GLIS3: variants seen among roughly 807,000 people sequenced by gnomAD.
GLIS3 encodes the protein zinc finger protein GLIS3.
A neutral mutation model predicts 78.6 loss-of-function variants in GLIS3; 53 were observed. The ratio of observed to expected loss-of-function variants is 0.67; its 90% CI spans 0.54 to 0.85. The LOEUF (loss-of-function observed/expected upper bound fraction) is 0.85. GLIS3 is among the 40% of genes least tolerant of loss of function. The pLI, the probability that GLIS3 is intolerant of heterozygous loss-of-function variation, is 0.00. For synonymous variants in GLIS3, 684 were observed against 509.9 expected (o/e 1.34, Z -4.60); for missense variants, 1,703 against 1,231.1 (o/e 1.38, Z -5.74).
At chr9:3,929,956 G>A (rs1218411268) in intron 6 of GLIS3, among the ~76,000 whole-genome samples, 2 of 151,856 alleles carry the variant, frequency 1.3e-5, no homozygotes, top group Non-Finnish European at 2.9e-5. Flanking sequence ...ATCTCTCCAA[G>A]GTCTAGTAAC....
the GLIS3 span, among the ~76,000 whole-genome samples, chr9:4,460,319 G>A: frequency 4.5e-4 from 68 of 152,298 alleles, no homozygotes; most frequent in African/African-American, 1.6e-3. Flanking sequence ...GGGGTTGAAA[G>A]TTCCAGTTTC....
chr9:4,159,910 C>T (rs1835348293), intron 2 of GLIS3, among the ~76,000 whole-genome samples: 1 of 152,080 alleles, frequency 6.6e-6, no homozygotes, highest in South Asian at 2.1e-4. Flanking sequence ...CTCATGTCCT[C>T]AGACTTGTTT....
At chr9:4,387,737 T>C in the GLIS3 span, among the ~76,000 whole-genome samples, 1 of 152,212 alleles carries the variant, frequency 6.6e-6, no homozygotes, top group Admixed American at 6.5e-5. Flanking sequence ...ATAATCTTCA[T>C]TTGATGTATT....
chr9:4,289,512 G>A (rs776875916), intron 1 of GLIS3, among the ~76,000 whole-genome samples: 1 of 152,086 alleles, frequency 6.6e-6, no homozygotes, highest in Non-Finnish European at 1.5e-5. Context: ...TGCCAAAAAG[G>A]TAAAATCACA....
rs568269604 is a variant in GLIS3 at position 4,137,452 on chromosome 9, T to C, written c.389-11511A>G. Among the ~76,000 whole-genome samples the C allele has an allele frequency of 3.6e-4, 55 of 152,288 alleles. 1 individual carries two copies. Among genetic ancestry groups the C allele is most frequent in the African/African-American group, 1.2e-3 (51 of 41,536 alleles). Reference sequence around the variant, plus strand: ...CACCAGCATTACTCACTGCAATTTATCCCTGTATTAAATGGAATCACATTT... The same window carrying C: ...CACCAGCATTACTCACTGCAATTTACCCCTGTATTAAATGGAATCACATTT... On this transcript the variant is annotated intron_variant, in intron 2 of 10. Coordinates refer to ENST00000381971, the MANE Select transcript of GLIS3 (RefSeq NM_001042413.2).
the GLIS3 span, among the ~76,000 whole-genome samples, chr9:4,359,857 T>C: frequency 0.019 from 2,873 of 152,204 alleles, 88 homozygotes; most frequent in African/African-American, 0.065. Flanking sequence ...GGCACCAATA[T>C]ATGTATTCTT....
At chr9:4,421,957 G>A in the GLIS3 span, among the ~76,000 whole-genome samples, 2 of 152,154 alleles carry the variant, frequency 1.3e-5, no homozygotes, top group African/African-American at 2.4e-5. Flanking sequence ...CTGAAATTTA[G>A]CATTTTACTC....
At chr9:3,853,605 G>C (rs1196373642) in intron 9 of GLIS3, among the ~76,000 whole-genome samples, 1 of 152,200 alleles carries the variant, frequency 6.6e-6, no homozygotes, top group Non-Finnish European at 1.5e-5. Flanking sequence ...GAAGAGAGAA[G>C]ATAGATGAAA....
chr9:4,104,822 C>T (rs1830633554), intron 4 of GLIS3, among the ~76,000 whole-genome samples: 1 of 152,214 alleles, frequency 6.6e-6, no homozygotes. Flanking sequence ...AGAGTGTAAG[C>T]TCCAGAAGGA....
chr9:4,371,408 A>T, the GLIS3 span, among the ~76,000 whole-genome samples: 1 of 152,188 alleles, frequency 6.6e-6, no homozygotes, highest in Non-Finnish European at 1.5e-5. Flanking sequence ...CCTCCTCCCC[A>T]TAAGTGCTAA....
At position 4,262,112 on chromosome 9, in the gene GLIS3, G is replaced by A. The variant is rs550316162; in HGVS notation, c.388+23926C>T. On this transcript the variant is annotated intron_variant, in intron 2 of 10. Transcript: ENST00000381971. Reference sequence around the variant, plus strand: ...AAACAGTCTCCTTAACCATGTGTCTGAACTATGTGACTGAAGAGTGCTCTC... The same window carrying A: ...AAACAGTCTCCTTAACCATGTGTCTAAACTATGTGACTGAAGAGTGCTCTC... 4.6e-5 allele frequency among the ~76,000 whole-genome samples: 7 copies of A among 152,232 alleles called. No homozygotes were observed. The East Asian group carries it at 7.7e-4, about 17-fold the overall frequency.
At chr9:4,319,033 A>T (rs978077745) in intron 2 of GLIS3, among the ~76,000 whole-genome samples, 5 of 152,214 alleles carry the variant, frequency 3.3e-5, no homozygotes, top group Admixed American at 6.5e-5. Context: ...GCATTCTGTA[A>T]AACAGCTGGC....
chr9:4,421,317 G>A, the GLIS3 span, among the ~76,000 whole-genome samples: 2 of 152,188 alleles, frequency 1.3e-5, no homozygotes. Context: ...AGGTGGTGAA[G>A]GCAAGCCTGG....
intron 4 of GLIS3, among the ~76,000 whole-genome samples, chr9:4,115,250 T>C (rs1221588061): frequency 6.6e-6 from 1 of 152,126 alleles, no homozygotes; most frequent in Non-Finnish European, 1.5e-5. Flanking sequence ...TAAACATATA[T>C]AAAACTAAAA....
intron 6 of GLIS3, among the ~76,000 whole-genome samples, chr9:3,904,062 T>G (rs147397449): frequency 6.6e-6 from 1 of 152,186 alleles, no homozygotes; most frequent in Non-Finnish European, 1.5e-5. Context: ...CACAGTCTCA[T>G]AGGCACTTTG....
At chr9:4,360,974 G>A in the GLIS3 span, among the ~76,000 whole-genome samples, 2 of 152,166 alleles carry the variant, frequency 1.3e-5, no homozygotes, top group African/African-American at 4.8e-5. Context: ...CCTCATTCTT[G>A]CATTGTCCCA....
intron 4 of GLIS3, among the ~76,000 whole-genome samples, chr9:4,059,864 G>GAGAGAGAGAA (rs1826496939): frequency 6.7e-6 from 1 of 150,014 alleles, no homozygotes; most frequent in Non-Finnish European, 1.5e-5. Context: ...GAGAGAGAGA[G>GAGAGAGAGAA]AGAAAGAGAG....
At chr9:3,872,696 G>A (rs1034917933) in intron 8 of GLIS3, among the ~76,000 whole-genome samples, 16 of 152,156 alleles carry the variant, frequency 1.1e-4, no homozygotes, top group Admixed American at 1.0e-3. Context: ...GGAATTATGG[G>A]AATACAATTC....
chr9:4,391,452 G>T, the GLIS3 span, among the ~76,000 whole-genome samples: 1 of 151,896 alleles, frequency 6.6e-6, no homozygotes, highest in Non-Finnish European at 1.5e-5. Context: ...TTTCATTAAG[G>T]TTTTTCCCAA....
Sources: gnomAD v4.1 joint callset for allele counts (sites outside exome capture counted in the v4.1 genomes callset) on GRCh38, gnomAD v4.1.1 for gene constraint, MANE v1.5 for transcripts, NCBI Gene and HGNC (gene_info 2026-07-23, HGNC 2026-07-21) for gene names.